Variants in LCN6 observed in about 807,000 individuals in gnomAD.
The protein encoded by LCN6 is epididymal-specific lipocalin-6.
LCN6 carries 20 observed loss-of-function variants against 21.4 expected under a neutral mutation model. The ratio of observed to expected loss-of-function variants is 0.93; its 90% CI spans 0.66 to 1.36. The LOEUF (loss-of-function observed/expected upper bound fraction) is 1.36, where lower values mean the gene tolerates loss of function less well. Ranked by LOEUF, LCN6 falls within the 40% of genes most tolerant of loss-of-function variation. LCN6 has a pLI of 0.00. For synonymous variants in LCN6, 96 were observed against 89.0 expected (o/e 1.08, Z -0.44); for missense variants, 217 against 206.6 (o/e 1.05, Z -0.31).
rs1847013257 is a variant in LCN6 at position 136,744,850 on chromosome 9, C to G, written c.413-109G>C. On this transcript the variant is annotated intron_variant, in intron 4 of 6. Coordinates refer to ENST00000341206, the MANE Select transcript of LCN6 (RefSeq NM_198946.3). The surrounding 1 kb of genome is among the most constrained non-coding windows in gnomAD (Gnocchi z 4.2). ...GAGGCCACCTGCCCTGGGATGCTGG[C>G]CCCGGTCCTTCCAAAGCCACCTCCA... 2.5e-6 allele frequency: 2 copies of G among 809,212 alleles called. No individual in the cohort carries two copies. Among genetic ancestry groups the G allele is most frequent in the Non-Finnish European group, 4.0e-6 (2 of 494,922 alleles). 50.1% of individuals were successfully genotyped at this position (809,212 alleles called of 1,614,324 possible).
At chr9:136,746,913 C>T (rs1847046229) in intron 2 of LCN6, 1 of 153,412 alleles carries the variant, frequency 6.5e-6, no homozygotes, top group Admixed American at 6.5e-5. Context: ...CCTGGCCCAC[C>T]CGACCCCTGC....
Position 136,748,420 on chromosome 9 carries a change from A to G in LCN6, c.64T>C (p.Trp22Arg). ...LVSVPRAQAV[W>R]LGRLDPEQLL... ...TGCTCAGGGTCCAGTCTTCCCAACC[A>G]CACGGCCTGGGCCCTGGGCACCGAG... Residue 22 changes from tryptophan (W) to arginine (R), a missense_variant, in exon 1 of 7, where the codon TGG becomes CGG. Trp to Arg is a moderately radical substitution (Grantham distance 101). Coordinates refer to ENST00000341206, the MANE Select transcript of LCN6 (RefSeq NM_198946.3). 6.2e-7 allele frequency: 1 copy of G among 1,612,504 alleles called. No homozygotes were observed. The highest frequency in any genetic ancestry group is 1.7e-5 in the Admixed American group (1 of 59,970).
At position 136,747,653 on chromosome 9, in the gene LCN6, A is replaced by G. The variant is rs1211219963; in HGVS notation, c.91-90T>C. 3.9e-4 allele frequency: 356 copies of G among 920,478 alleles called. 6 individuals carry two copies. In the African/African-American group the frequency reaches 8.9e-3, roughly 23 times the overall value. 57.0% of individuals were successfully genotyped at this position (920,478 alleles called of 1,614,324 possible). ...CTCCAGCCTCAGCCTCCAGCCTCCA[A>G]ACCTCCAGCCTCAGCCTCCACCCTC... is the stretch of plus-strand genomic sequence containing the variant. On this transcript the variant is annotated intron_variant, in intron 1 of 6. Coordinates refer to ENST00000341206, the MANE Select transcript of LCN6 (RefSeq NM_198946.3).
In LCN6 at chr9:136,747,112, TC is replaced by T. The variant is rs1479333870; in HGVS notation, c.230+311del. ...AAAAGGCCTGCTGAGAGGACAGGCT[TC>T]CCCAGCTCTGACCACAGCCTGCAGC... On this transcript the variant is annotated intron_variant, in intron 2 of 6. Coordinates refer to ENST00000341206, the MANE Select transcript of LCN6 (RefSeq NM_198946.3). 7.2e-5 allele frequency: 23 copies of T among 317,296 alleles called. No homozygotes were observed. In the Admixed American group the frequency reaches 1.1e-3, roughly 15 times the overall value. The allele number at this position is 317,296 out of a possible 1,614,324, so 19.7% of individuals were successfully genotyped here. A position where few individuals can be genotyped will look rare whatever the true frequency, so the allele number is the denominator to read the frequency against.
At position 136,744,815 on chromosome 9, in the gene LCN6, G is replaced by C; in HGVS notation, c.413-74C>G. On this transcript the variant is annotated intron_variant, in intron 4 of 6. Coordinates refer to ENST00000341206, the MANE Select transcript of LCN6 (RefSeq NM_198946.3). The surrounding 1 kb of genome is among the most constrained non-coding windows in gnomAD (Gnocchi z 4.2). The stretch of plus-strand genomic sequence containing the variant: ...GAGGGGCCGGGGAGGGGCTGGGAAG[G>C]GTCAGGAAGGAGGCCACCTGCCCTG... The C allele has an allele frequency of 8.9e-7, 1 of 1,120,222 alleles. No homozygotes were observed. The highest frequency in any genetic ancestry group is 2.0e-5 in the Admixed American group (1 of 50,496). 69.4% of individuals were successfully genotyped at this position (1,120,222 alleles called of 1,614,324 possible).
In LCN6 at chr9:136,745,297, C is replaced by G; in HGVS notation, c.302-17G>C. The G allele has an allele frequency of 6.3e-7, 1 of 1,577,264 alleles. No homozygotes were observed. The highest frequency in any genetic ancestry group is 8.7e-7 in the Non-Finnish European group (1 of 1,147,146). The stretch of plus-strand genomic sequence containing the variant: ...CGCCTATTGCTAGGAAACAAAACCC[C>G]CCGCCTCAGGGGAGGGCAGCTGCTG... On this transcript the variant is annotated splice_polypyrimidine_tract_variant and intron_variant, in intron 3 of 6. Coordinates refer to ENST00000341206, the MANE Select transcript of LCN6 (RefSeq NM_198946.3).
intron 2 of LCN6, 77 bp from the exon 3 acceptor site, chr9:136,745,991 C>A: frequency 8.1e-7 from 1 of 1,235,724 alleles, no homozygotes; most frequent in Non-Finnish European, 1.2e-6. Flanking sequence ...GCTCAGGAGT[C>A]CAGGCCAGGC....
Position 136,745,890 on chromosome 9 carries a change from G to A in LCN6, c.255C>T (p.Val85=), listed in dbSNP as rs761601384. The A allele has an allele frequency of 1.2e-6, 2 of 1,613,768 alleles. No individual in the cohort carries two copies. Among genetic ancestry groups the A allele is most frequent in the South Asian group, 1.1e-5 (1 of 91,070 alleles). ...CGGAGTTTCGCTTTATCAGGTCCAT[G>A]ACACTCTGGTCACACCCTCCCAGCC... ...QHGLGGCDQS[V]MDLIKRNSGW... The change falls in exon 3 of 7, where the codon GTC becomes GTT. Residue 85 remains valine, a synonymous_variant. Transcript: ENST00000341206.
intron 2 of LCN6, chr9:136,747,077 G>A (rs1428927099): frequency 1.2e-5 from 3 of 241,858 alleles, no homozygotes; most frequent in Non-Finnish European, 2.4e-5. Context: ...CCTTTAAACA[G>A]AATTCCCGAA....
chr9:136,745,566 CCCTGTA>C, intron 3 of LCN6: 1 of 592,544 alleles, frequency 1.7e-6, no homozygotes, highest in Non-Finnish European at 3.0e-6. Context: ...ACCAGCCCAG[CCCTGTA>C]CCTGTAGACA....
Position 136,744,879 on chromosome 9 carries a change from C to T in LCN6, c.413-138G>A. On this transcript the variant is annotated intron_variant, in intron 4 of 6. Transcript: ENST00000341206. This position sits in a 1 kb window ranked among gnomAD's most constrained non-coding sequence, Gnocchi z 4.2. ...GGTCCTTCCAAAGCCACCTCCAGTG[C>T]AGCGAGCCTCAAGGTGGGGGAACTT... is the stretch of plus-strand genomic sequence containing the variant. The T allele has an allele frequency of 1.5e-6, 1 of 685,168 alleles. No homozygotes were observed. Among genetic ancestry groups the T allele is most frequent in the Non-Finnish European group, 2.5e-6 (1 of 393,544 alleles). 42.4% of individuals were successfully genotyped at this position (685,168 alleles called of 1,614,324 possible). A position where few individuals can be genotyped will look rare whatever the true frequency, so the allele number is the denominator to read the frequency against.
At chr9:136,747,729 TTCCAGCC>T (rs1564327648) in intron 1 of LCN6, among the ~76,000 whole-genome samples, 166 bp from the exon 2 acceptor site, 2 of 60,862 alleles carry the variant, frequency 3.3e-5, no homozygotes, top group African/African-American at 9.6e-5. Flanking sequence ...GCCTCCAGCC[TTCCAGCC>T]CTGCAGCCTC....
At chr9:136,748,108 A>C (rs1318528112) in intron 1 of LCN6, among the ~76,000 whole-genome samples, 68 of 62,034 alleles carry the variant, frequency 1.1e-3, no homozygotes, top group African/African-American at 1.7e-3. Context: ...CTCCAGCCCT[A>C]CAGCCTCCAG....
chr9:136,746,004 G>A, intron 2 of LCN6, 90 bp from the exon 3 acceptor site: 1 of 1,126,124 alleles, frequency 8.9e-7, no homozygotes, highest in South Asian at 1.3e-5. Context: ...GGCCAGGCCA[G>A]CCAGCAGTGA....
At position 136,747,473 on chromosome 9, in the gene LCN6, C is replaced by T. The variant is rs1489420112; in HGVS notation, c.181G>A (p.Val61Met). ...AGGTTGTTTTCTGGAGTGAGGGTCA[C>T]CACCACCCCCACGACGTTCTTCATG... is the stretch of plus-strand genomic sequence containing the variant. ...KDMKNVVGVVVTLTPENNLRT... is the reference protein window; with the variant it reads ...KDMKNVVGVVMTLTPENNLRT... The change falls in exon 2 of 7, where the codon GTG becomes ATG. Residue 61 changes from valine to methionine, a missense_variant. Coordinates refer to ENST00000341206, the MANE Select transcript of LCN6 (RefSeq NM_198946.3). The T allele has an allele frequency of 6.2e-7, 1 of 1,613,652 alleles. No individual in the cohort carries two copies. Among genetic ancestry groups the T allele is most frequent in the Non-Finnish European group, 8.5e-7 (1 of 1,179,860 alleles).
At chr9:136,745,309 G>T in intron 3 of LCN6, 29 bp from the exon 4 acceptor site, 1 of 1,501,228 alleles carries the variant, frequency 6.7e-7, no homozygotes, top group Non-Finnish European at 9.3e-7. Flanking sequence ...CGCCTCAGGG[G>T]AGGGCAGCTG....
At position 136,748,506 on chromosome 9, in the gene LCN6, G is replaced by A. The variant is rs748562238; in HGVS notation, c.-23C>T. The A allele has an allele frequency of 2.6e-5, 41 of 1,606,468 alleles. 1 individual carries two copies. The highest frequency in any genetic ancestry group is 2.4e-4 in the South Asian group (22 of 90,174). ...CATCCTCCCAGGTCTACACTGCGCCGCAGGCCCAGGATGTGCAGTCCCTCC... is the reference window on the plus strand; with the variant it reads ...CATCCTCCCAGGTCTACACTGCGCCACAGGCCCAGGATGTGCAGTCCCTCC... On this transcript the variant is annotated 5_prime_UTR_variant, in exon 1 of 7. Coordinates refer to ENST00000341206, the MANE Select transcript of LCN6 (RefSeq NM_198946.3).
At position 136,747,546 on chromosome 9, in the gene LCN6, G is replaced by A. The variant is rs149829162; in HGVS notation, c.108C>T (p.Tyr36=). 112 of 1,611,786 alleles carry A rather than the reference G, an allele frequency of 6.9e-5. No individual in the cohort carries two copies. The South Asian group carries it at 7.2e-4, about 10-fold the overall frequency. The change falls in exon 2 of 7, where the codon TAC becomes TAT. Residue 36 remains tyrosine (Y), a synonymous_variant. Transcript: ENST00000341206. ...LDPEQLLGPW[Y]VLAVASREKG... is the part of the protein sequence containing the mutation. The stretch of plus-strand genomic sequence containing the variant: ...TTTCCCGGGAGGCCACCGCAAGCAC[G>A]TACCAGGGCCCAAGAAGCTGCATTG...
chr9:136,748,274 A>G, intron 1 of LCN6, 120 bp downstream of exon 1: 1 of 863,266 alleles, frequency 1.2e-6, no homozygotes, highest in Non-Finnish European at 1.8e-6. Context: ...GGCTGGCCCA[A>G]CTAATTCCCC....
Sources: gnomAD v4.1 joint callset for allele counts (sites outside exome capture counted in the v4.1 genomes callset) on GRCh38, gnomAD v4.1.1 for gene constraint, Gnocchi (gnomAD v3.1) non-coding constraint, MANE v1.5 for transcripts, NCBI Gene and HGNC (gene_info 2026-07-23, HGNC 2026-07-21) for gene names.